Variants in GJC1 observed in about 807,000 individuals in gnomAD.
GJC1 encodes gap junction gamma-1 protein.
Under a neutral mutation model 29.3 loss-of-function variants are expected in GJC1, and 5 were observed. That is an observed-to-expected ratio of 0.17 (90% CI 0.09 to 0.36). The LOEUF (loss-of-function observed/expected upper bound fraction) is 0.36, where lower values mean the gene tolerates loss of function less well. Among genes scored for constraint, GJC1 ranks in the 10% least tolerant of loss-of-function variants. The pLI is 1.00. For synonymous variants in GJC1, 177 were observed against 183.3 expected, an observed-to-expected ratio of 0.97 and a Z score of 0.28; for missense variants, 310 against 496.2, an observed-to-expected ratio of 0.62 and a Z score of 3.56.
In GJC1 at chr17:44,814,873, C is replaced by T. The variant is rs550452709; in HGVS notation, c.-96-7404G>A. 6.6e-5 allele frequency among the ~76,000 whole-genome samples: 10 copies of T among 151,188 alleles called. No homozygotes were observed. In the East Asian group the frequency reaches 2.0e-3, roughly 30 times the overall value. ...AGGAGAACCACTTGAACCCGGGGGG[C>T]GGAGGTTGCAGTGAGACGAGAAGGC... On this transcript the variant is annotated intron_variant, in intron 1 of 2. Coordinates refer to ENST00000592524, the MANE Select transcript of GJC1 (RefSeq NM_005497.4).
rs1050747209 is a variant in GJC1 at position 44,807,439 on chromosome 17, A to T, written c.-66T>A. The stretch of plus-strand genomic sequence containing the variant: ...TACCCAAAATTTTCTTAGAGAAATG[A>T]TGTTTTGATTGCAATTTTTCCAGAT... On this transcript the variant is annotated 5_prime_UTR_variant, in exon 2 of 3. Coordinates refer to ENST00000592524, the MANE Select transcript of GJC1 (RefSeq NM_005497.4). 2 of 152,078 alleles carry T rather than the reference A, an allele frequency of 1.3e-5. No homozygotes were observed. Among genetic ancestry groups the T allele is most frequent in the East Asian group, 1.9e-4 (1 of 5,166 alleles). 9.4% of individuals were successfully genotyped at this position (152,078 alleles called of 1,614,324 possible). A position where few individuals can be genotyped will look rare whatever the true frequency, so the allele number is the denominator to read the frequency against.
rs2049906999 is a variant in GJC1, at chr17:44,805,828, T to C, written c.-11A>G. ...GAAGCTCCAACTCATGGTGATTGAA[T>C]TGGTATGCCCTGATAAAAGTGGAAA... is the stretch of plus-strand genomic sequence containing the variant. On this transcript the variant is annotated 5_prime_UTR_variant, in exon 3 of 3. Transcript: ENST00000592524. This position sits in a 1 kb window ranked among gnomAD's most constrained non-coding sequence, Gnocchi z 5.1. 4.6e-6 allele frequency: 7 copies of C among 1,518,602 alleles called. No individual in the cohort carries two copies. In the East Asian group the frequency reaches 1.6e-4, roughly 34 times the overall value. The allele number at this position is 1,518,602 out of a possible 1,614,324, so 94.1% of individuals were successfully genotyped here.
At chr17:44,825,820 A>G (rs1194746894) in intron 1 of GJC1, among the ~76,000 whole-genome samples, 1 of 152,106 alleles carries the variant, frequency 6.6e-6, no homozygotes, top group East Asian at 1.9e-4. Context: ...GGGCACCAGA[A>G]TGCTTTTGTC....
intron 1 of GJC1, among the ~76,000 whole-genome samples, chr17:44,810,006 C>T (rs544070778): frequency 6.6e-4 from 100 of 152,072 alleles, no homozygotes; most frequent in African/African-American, 2.3e-3. Flanking sequence ...CAACAGGCAC[C>T]TGCCACCACG....
At chr17:44,817,559 T>C (rs1183345250) in intron 1 of GJC1, among the ~76,000 whole-genome samples, 1 of 150,126 alleles carries the variant, frequency 6.7e-6, no homozygotes, top group Admixed American at 6.7e-5. Flanking sequence ...AAAAATACAA[T>C]ATTAGCCAGG....
chr17:44,807,042 T>C (rs1489086960), intron 2 of GJC1, among the ~76,000 whole-genome samples: 1 of 152,196 alleles, frequency 6.6e-6, no homozygotes, highest in East Asian at 1.9e-4. Context: ...GGTCTTGCAA[T>C]AAATATTGTA....
At chr17:44,816,491 A>AGTTTG (rs1271471799) in intron 1 of GJC1, among the ~76,000 whole-genome samples, 3 of 152,046 alleles carry the variant, frequency 2.0e-5, no homozygotes, top group Non-Finnish European at 4.4e-5. Flanking sequence ...AACATAATTC[A>AGTTTG]GTTTGTTTTG....
intron 1 of GJC1, among the ~76,000 whole-genome samples, chr17:44,818,432 G>A (rs1009203164): frequency 4.0e-5 from 6 of 151,702 alleles, no homozygotes; most frequent in Non-Finnish European, 8.8e-5. Flanking sequence ...TGAGAATAGG[G>A]AGACCACAAA....
intron 1 of GJC1, among the ~76,000 whole-genome samples, chr17:44,811,573 G>A (rs1315442012): frequency 6.6e-6 from 1 of 151,888 alleles, no homozygotes; most frequent in East Asian, 1.9e-4. Context: ...TTTTTGCAGA[G>A]AAGAGGTTTT....
chr17:44,804,702 C>T lies in GJC1; in HGVS notation c.1116G>A (p.Val372=), dbSNP rs534322886. ...PHGPREKKAK[V]GSKAGSNKST... ...TTTTGTTGGACCCAGCTTTGGACCC[C>T]ACTTTGGCCTTCTTCTCCCGGGGAC... is the stretch of plus-strand genomic sequence containing the variant. Residue 372 remains valine (V), a synonymous_variant, in exon 3 of 3, where the codon GTG becomes GTA. Transcript: ENST00000592524. 91 of 1,614,202 alleles carry T rather than the reference C, an allele frequency of 5.6e-5. 1 individual carries two copies. The South Asian group carries it at 9.7e-4, about 17-fold the overall frequency.
intron 1 of GJC1, chr17:44,829,522 C>T (rs1429506009): frequency 6.6e-6 from 1 of 152,266 alleles, no homozygotes; most frequent in Non-Finnish European, 1.5e-5. Flanking sequence ...CCTCCTCTAA[C>T]CCCCGGGAGG....
chr17:44,814,265 C>G (rs140236251), intron 1 of GJC1, among the ~76,000 whole-genome samples: 1 of 151,850 alleles, frequency 6.6e-6, no homozygotes, highest in African/African-American at 2.4e-5. Context: ...CTCAGCCTCC[C>G]GAGAAGCTGG....
At chr17:44,794,354 A>C (rs1283043906), downstream of GJC1, 1 of 152,226 alleles carries the variant, frequency 6.6e-6, no homozygotes, top group African/African-American at 2.4e-5. Flanking sequence ...TCCACGGAAC[A>C]ATTTGCACTT....
intron 1 of GJC1, among the ~76,000 whole-genome samples, chr17:44,808,373 T>C (rs957302466): frequency 6.6e-6 from 1 of 151,574 alleles, no homozygotes; most frequent in African/African-American, 2.4e-5. Context: ...CCAGGTGTGG[T>C]GGCAGTGGTG....
intron 1 of GJC1, among the ~76,000 whole-genome samples, chr17:44,812,235 G>A (rs1237653348): frequency 6.6e-6 from 1 of 152,046 alleles, no homozygotes; most frequent in African/African-American, 2.4e-5. Flanking sequence ...TGAGGCAGGA[G>A]AATGGCTTGA....
chr17:44,803,788 A>G lies in GJC1; in HGVS notation c.*839T>C, dbSNP rs959686161. On this transcript the variant is annotated 3_prime_UTR_variant, in exon 3 of 3. Coordinates refer to ENST00000592524, the MANE Select transcript of GJC1 (RefSeq NM_005497.4). ...GCTTTGCTTTCTGAGGGACAGCTCC[A>G]TATCATCTCTAGCCAGGTTTTCCAC... 2.0e-5 allele frequency: 3 copies of G among 152,224 alleles called. No homozygotes were observed. Among genetic ancestry groups the G allele is most frequent in the South Asian group, 2.1e-4 (1 of 4,830 alleles). The allele number at this position is 152,224 out of a possible 1,614,324, so 9.4% of individuals were successfully genotyped here.
intron 1 of GJC1, among the ~76,000 whole-genome samples, chr17:44,819,953 G>A (rs2050090427): frequency 6.6e-6 from 1 of 151,924 alleles, no homozygotes. Context: ...TGCCTCCCAG[G>A]TTCAAGTGAT....
chr17:44,810,924 A>AAC (rs1333109260), intron 1 of GJC1, among the ~76,000 whole-genome samples: 1 of 152,014 alleles, frequency 6.6e-6, no homozygotes, highest in Non-Finnish European at 1.5e-5. Context: ...CAGGTGAAGG[A>AAC]ACACTACCAT....
chr17:44,823,797 T>C (rs987922337), intron 1 of GJC1, among the ~76,000 whole-genome samples: 60 of 148,696 alleles, frequency 4.0e-4, no homozygotes, highest in African/African-American at 1.4e-3. Context: ...CTGCAACCTC[T>C]GCCTCCCAGG....
Sources: allele counts gnomAD v4.1 joint callset (sites outside exome capture counted in the v4.1 genomes callset), GRCh38; gene constraint gnomAD v4.1.1; non-coding constraint Gnocchi (gnomAD v3.1); transcripts MANE v1.5; gene names NCBI Gene and HGNC (gene_info 2026-07-23, HGNC 2026-07-21).